RIPOR3: variants seen among roughly 807,000 people sequenced by gnomAD.
RIPOR3 encodes RIPOR family member 3.
In RIPOR3, 95 loss-of-function variants were observed where a neutral mutation model predicts 114.3. The observed-to-expected ratio is 0.83, with a 90% CI of 0.70 to 0.99. The LOEUF is 0.99. Ranked by LOEUF, RIPOR3 falls within the 50% of genes least tolerant of loss-of-function variation. The pLI, the probability that RIPOR3 is intolerant of heterozygous loss-of-function variation, is 0.00. For synonymous variants in RIPOR3, 575 were observed against 543.8 expected, an observed-to-expected ratio of 1.06 and a Z score of -0.80; for missense variants, 1,252 against 1,266.9, an observed-to-expected ratio of 0.99 and a Z score of 0.18.
chr20:50,593,278 A>G, intron 17 of RIPOR3, 82 bp from the exon 18 acceptor site: 3 of 1,501,012 alleles, frequency 2.0e-6, no homozygotes, highest in Non-Finnish European at 2.7e-6. Context: ...CTGGTCAGCT[A>G]AAAGGCTTTC....
chr20:50,689,332 C>T (rs1011345603), intron 1 of RIPOR3, among the ~76,000 whole-genome samples: 3 of 152,076 alleles, frequency 2.0e-5, no homozygotes, highest in Admixed American at 6.5e-5. Flanking sequence ...CGCACCACCA[C>T]GGCCAGCTAA....
intron 1 of RIPOR3, among the ~76,000 whole-genome samples, chr20:50,681,238 A>AG (rs1469047627): frequency 8.8e-5 from 11 of 124,612 alleles, no homozygotes; most frequent in Middle Eastern, 5.3e-3. Flanking sequence ...AAAAAAAAAA[A>AG]AAAAGAAAAG....
intron 1 of RIPOR3, among the ~76,000 whole-genome samples, chr20:50,686,874 C>T (rs1213018324): frequency 6.6e-6 from 1 of 152,212 alleles, no homozygotes; most frequent in African/African-American, 2.4e-5. Flanking sequence ...CCACCTGGGC[C>T]TTGTCCTTGG....
intron 1 of RIPOR3, among the ~76,000 whole-genome samples, chr20:50,667,819 A>G (rs1264195034): frequency 6.6e-6 from 1 of 152,220 alleles, no homozygotes; most frequent in Non-Finnish European, 1.5e-5. Flanking sequence ...TTGAGATCAC[A>G]TAGACCTGGG....
rs1238078694 is a variant in RIPOR3 at position 50,602,575 on chromosome 20, AGCT to A, written c.1153_1155del (p.Ser385del). ...CCCCGGAGGTCGCTGTCAGACAGGT[AGCT>A]GAGGATGGAGGTGGCCCTTGGGCCA... On this transcript the variant is annotated inframe_deletion, in exon 13 of 22. Coordinates refer to ENST00000327979, the MANE Select transcript of RIPOR3 (RefSeq NM_001290268.2). This position sits in a 1 kb window ranked among gnomAD's most constrained non-coding sequence, Gnocchi z 4.3. The A allele has an allele frequency of 5.9e-6, 9 of 1,529,718 alleles. No individual in the cohort carries two copies. Among genetic ancestry groups the A allele is most frequent in the Non-Finnish European group, 7.9e-6 (9 of 1,140,286 alleles). The allele number at this position is 1,529,718 out of a possible 1,614,324, so 94.8% of individuals were successfully genotyped here.
chr20:50,611,404 C>G (rs527853395), intron 4 of RIPOR3, among the ~76,000 whole-genome samples, 200 bp from the exon 5 acceptor site: 2 of 152,234 alleles, frequency 1.3e-5, no homozygotes, highest in African/African-American at 2.4e-5. Context: ...TAAACACATG[C>G]ACGTGGGATG....
chr20:50,622,411 A>G (rs539187282), intron 2 of RIPOR3, among the ~76,000 whole-genome samples: 1 of 152,026 alleles, frequency 6.6e-6, no homozygotes, highest in Admixed American at 6.6e-5. Context: ...CGAACTCCTG[A>G]CCTCAAATGA....
chr20:50,633,441 C>T (rs75212319), intron 1 of RIPOR3, among the ~76,000 whole-genome samples: 3,830 of 152,274 alleles, frequency 0.025, 166 homozygotes, highest in African/African-American at 0.088. Flanking sequence ...CACGTATGAG[C>T]TCCTCACTGC....
chr20:50,676,135 C>T (rs1023866690), intron 1 of RIPOR3, among the ~76,000 whole-genome samples: 1 of 152,160 alleles, frequency 6.6e-6, no homozygotes, highest in Non-Finnish European at 1.5e-5. Context: ...GCCTTTTGTC[C>T]CAAGACACAA....
In RIPOR3 at chr20:50,596,172, C is replaced by G. The variant is rs2083281505; in HGVS notation, c.1882G>C (p.Val628Leu). 1.2e-6 allele frequency: 2 copies of G among 1,614,092 alleles called. No homozygotes were observed. Among genetic ancestry groups the G allele is most frequent in the African/African-American group, 2.7e-5 (2 of 74,946 alleles). The change falls in exon 15 of 22, where the codon GTA becomes CTA. Residue 628 changes from valine (V) to leucine (L), a missense_variant. Coordinates refer to ENST00000327979, the MANE Select transcript of RIPOR3 (RefSeq NM_001290268.2). ...AGAGCTTTGCAGACTTGGAGGTGTACCATCAGCAGCACGTCCAGCTCTGGG... is the reference window on the plus strand; with the variant it reads ...AGAGCTTTGCAGACTTGGAGGTGTAGCATCAGCAGCACGTCCAGCTCTGGG... ...GAPELDVLLMVHLQVCKALLQ... is the reference protein window; with the variant it reads ...GAPELDVLLMLHLQVCKALLQ...
chr20:50,609,119 G>T (rs1249230757), intron 8 of RIPOR3, among the ~76,000 whole-genome samples, 164 bp from the exon 9 acceptor site: 1 of 152,162 alleles, frequency 6.6e-6, no homozygotes, highest in Non-Finnish European at 1.5e-5. Flanking sequence ...AGGGTGCTGG[G>T]CCCTCACACC....
In RIPOR3 at chr20:50,596,216, C is replaced by T. The variant is rs1278854995; in HGVS notation, c.1838G>A (p.Arg613Lys). 6.2e-7 allele frequency: 1 copy of T among 1,614,186 alleles called. No homozygotes were observed. The highest frequency in any genetic ancestry group is 8.5e-7 in the Non-Finnish European group (1 of 1,180,046). Residue 613 changes from arginine (R) to lysine (K), a missense_variant, in exon 15 of 22, where the codon AGG becomes AAG. Transcript: ENST00000327979. Reference sequence around the variant, plus strand: ...CTCTGGGGCACCGGCTGTGAGTTCCCTGGATGACGCTTTCAGTGATGACGG... The same window carrying T: ...CTCTGGGGCACCGGCTGTGAGTTCCTTGGATGACGCTTTCAGTGATGACGG... Reference protein sequence around the residue: ...PPPSSLKASSRELTAGAPELD... With the variant: ...PPPSSLKASSKELTAGAPELD...
At chr20:50,617,443 A>G (rs2123134733) in intron 3 of RIPOR3, among the ~76,000 whole-genome samples, 1 of 152,030 alleles carries the variant, frequency 6.6e-6, no homozygotes, top group African/African-American at 2.4e-5. Context: ...ACTCTGCACA[A>G]TCCCAGCTTG....
At chr20:50,619,656 G>A (rs2084322965) in intron 3 of RIPOR3, among the ~76,000 whole-genome samples, 2 of 152,320 alleles carry the variant, frequency 1.3e-5, no homozygotes, top group African/African-American at 4.8e-5. Flanking sequence ...CTGTCTCTCT[G>A]TTACCTTTCT....
intron 2 of RIPOR3, among the ~76,000 whole-genome samples, chr20:50,625,833 C>G (rs149672954): frequency 2.0e-5 from 3 of 152,244 alleles, no homozygotes; most frequent in African/African-American, 4.8e-5. Context: ...TCCCACCCCC[C>G]AGGTCCAGCT....
chr20:50,679,056 G>GA (rs1386719663), intron 1 of RIPOR3, among the ~76,000 whole-genome samples: 1 of 126,742 alleles, frequency 7.9e-6, no homozygotes, highest in Non-Finnish European at 1.6e-5. Flanking sequence ...AGTGAGCCAG[G>GA]ATTGCACCAC....
At chr20:50,650,621 G>C (rs931622688) in intron 1 of RIPOR3, among the ~76,000 whole-genome samples, 2 of 152,100 alleles carry the variant, frequency 1.3e-5, no homozygotes, top group Non-Finnish European at 2.9e-5. Flanking sequence ...ATGAATTTTA[G>C]AGTGACCCAA....
At position 50,594,664 on chromosome 20, in the gene RIPOR3, A is replaced by G; in HGVS notation, c.2101T>C (p.Cys701Arg). 1.2e-6 allele frequency: 2 copies of G among 1,613,416 alleles called. No homozygotes were observed. Among genetic ancestry groups the G allele is most frequent in the Non-Finnish European group, 1.7e-6 (2 of 1,179,772 alleles). Residue 701 changes from cysteine to arginine, a missense_variant, in exon 17 of 22, where the codon TGC becomes CGC. By Grantham distance (180) the Cys-to-Arg change is radical. Coordinates refer to ENST00000327979, the MANE Select transcript of RIPOR3 (RefSeq NM_001290268.2). ...TKGCLKLWRG[C>R]TGPGRVLSCP... ...GACAGGACCCTGCCAGGCCCTGTGC[A>G]CCCTCTCCACAGCTTCAGGCACCCC... is the stretch of plus-strand genomic sequence containing the variant.
At chr20:50,612,026 G>A (rs2083995737) in intron 4 of RIPOR3, among the ~76,000 whole-genome samples, 1 of 151,534 alleles carries the variant, frequency 6.6e-6, no homozygotes, top group Non-Finnish European at 1.5e-5. Flanking sequence ...TGCCAGACTT[G>A]AGGCAGGAGA....
Sources: allele counts gnomAD v4.1 joint callset (sites outside exome capture counted in the v4.1 genomes callset), GRCh38; gene constraint gnomAD v4.1.1; non-coding constraint Gnocchi (gnomAD v3.1); transcripts MANE v1.5; gene names NCBI Gene and HGNC (gene_info 2026-07-23, HGNC 2026-07-21).